ATP5F1C: variants seen among roughly 807,000 people sequenced by gnomAD.
The protein encoded by ATP5F1C is ATP synthase F1 subunit gamma, also known as ATP synthase F(1) complex subunit gamma, mitochondrial.
A neutral mutation model predicts 37.4 loss-of-function variants in ATP5F1C; 22 were observed. That is an observed-to-expected ratio of 0.59 (90% CI 0.42 to 0.84). The LOEUF (loss-of-function observed/expected upper bound fraction) is 0.84. Ranked by LOEUF, ATP5F1C falls within the 40% of genes least tolerant of loss-of-function variation. The probability of loss-of-function intolerance (pLI) is 0.00; values close to 1 mark genes in which losing one functional copy is unlikely to be tolerated. For synonymous variants in ATP5F1C, 121 were observed against 128.0 expected, an observed-to-expected ratio of 0.95 and a Z score of 0.37; for missense variants, 286 against 362.4, an observed-to-expected ratio of 0.79 and a Z score of 1.71.
At chr10:7,800,145 G>A (rs988856840) in intron 6 of ATP5F1C, 54 bp downstream of exon 6, 1 of 1,510,490 alleles carries the variant, frequency 6.6e-7, no homozygotes, top group Non-Finnish European at 9.2e-7. Flanking sequence ...GGAGAGATTT[G>A]TACACTAAGG....
chr10:7,807,147 A>C, intron 9 of ATP5F1C, 137 bp downstream of exon 9: 8 of 734,964 alleles, frequency 1.1e-5, no homozygotes, highest in Non-Finnish European at 1.7e-5. Flanking sequence ...CAGCCAACTC[A>C]CGGGAGCACC....
chr10:7,802,817 A>G lies in ATP5F1C; in HGVS notation c.853A>G (p.Lys285Glu), dbSNP rs1325521211. The G allele has an allele frequency of 2.5e-6, 4 of 1,613,930 alleles. No homozygotes were observed. The highest frequency in any genetic ancestry group is 3.4e-6 in the Non-Finnish European group (4 of 1,179,996). ...CCGTACCCGCCAAGCTGTCATCACAAAAGAGTTGATTGAAATTATCTCTGG... is the reference window on the plus strand; with the variant it reads ...CCGTACCCGCCAAGCTGTCATCACAGAAGAGTTGATTGAAATTATCTCTGG... ...FNRTRQAVITKELIEIISGAA... is the reference protein window; with the variant it reads ...FNRTRQAVITEELIEIISGAA... Residue 285 changes from lysine to glutamate, a missense_variant, in exon 8 of 10, where the codon AAA (lysine) becomes GAA (glutamate). Lys to Glu is a moderately conservative substitution (Grantham distance 56, BLOSUM62 1). Coordinates refer to ENST00000356708, the MANE Select transcript of ATP5F1C (RefSeq NM_001001973.3).
intron 8 of ATP5F1C, chr10:7,804,226 T>G: frequency 1.9e-6 from 1 of 518,628 alleles, no homozygotes; most frequent in Non-Finnish European, 3.9e-6. Flanking sequence ...ACCGAAAAAA[T>G]TTGCCTATTC....
intron 6 of ATP5F1C, chr10:7,801,431 A>G (rs1836364578): frequency 1.3e-5 from 2 of 152,218 alleles, no homozygotes; most frequent in Non-Finnish European, 2.9e-5. Flanking sequence ...TTTCTACAAC[A>G]TTAAAACTAC....
At position 7,800,491 on chromosome 10, in the gene ATP5F1C, A is replaced by ATTT. The variant is rs137972460; in HGVS notation, c.637+405_637+407dup. 8.8e-5 allele frequency among the ~76,000 whole-genome samples: 10 copies of ATTT among 113,448 alleles called. 1 individual carries two copies. The highest frequency in any genetic ancestry group is 9.6e-5 in the Non-Finnish European group (5 of 52,044). 74.4% of individuals were successfully genotyped at this position (113,448 alleles called of 152,430 possible). A position where few individuals can be genotyped will look rare whatever the true frequency, so the allele number is the denominator to read the frequency against. On this transcript the variant is annotated intron_variant, in intron 6 of 9. Transcript: ENST00000356708. The stretch of plus-strand genomic sequence containing the variant: ...ATTACAGGCATGAGCCCAGCCTTTT[A>ATTT]TTTTTTTATTTTTTATTTTTTGAGA...
At chr10:7,788,302 G>A (rs1451640933) in intron 1 of ATP5F1C, 39 bp downstream of exon 1, 28 of 1,608,048 alleles carry the variant, frequency 1.7e-5, no homozygotes, top group Non-Finnish European at 2.2e-5. Flanking sequence ...GACCGCAAGG[G>A]ATGGAAGAGC....
At chr10:7,789,435 A>T (rs1836120525) in intron 1 of ATP5F1C, among the ~76,000 whole-genome samples, 1 of 147,516 alleles carries the variant, frequency 6.8e-6, no homozygotes, top group Non-Finnish European at 1.5e-5. Context: ...TTGGCCTTGG[A>T]AGTCAGATTT....
chr10:7,796,173 C>T lies in ATP5F1C; in HGVS notation c.91+18C>T. On this transcript the variant is annotated intron_variant, in intron 2 of 9. Coordinates refer to ENST00000356708, the MANE Select transcript of ATP5F1C (RefSeq NM_001001973.3). ...GAAAGATAGTAAGTATGTTGTTTGT[C>T]TCAATATGTGAATTGAGAAAAACTA... 5 of 1,580,438 alleles carry T rather than the reference C, an allele frequency of 3.2e-6. No homozygotes were observed. The highest frequency in any genetic ancestry group is 4.3e-6 in the Non-Finnish European group (5 of 1,167,166).
At chr10:7,795,811 G>A (rs1187733219) in intron 1 of ATP5F1C, among the ~76,000 whole-genome samples, 1 of 152,318 alleles carries the variant, frequency 6.6e-6, no homozygotes, top group African/African-American at 2.4e-5. Context: ...GGGCTTTTCT[G>A]TCATGGAAAC....
chr10:7,789,863 G>C (rs1348994640), intron 1 of ATP5F1C, among the ~76,000 whole-genome samples: 2 of 152,166 alleles, frequency 1.3e-5, no homozygotes, highest in African/African-American at 4.8e-5. Context: ...AGCTCTTTTA[G>C]TGAAGGATTG....
intron 1 of ATP5F1C, among the ~76,000 whole-genome samples, chr10:7,792,682 A>AT (rs1450452403): frequency 1.3e-5 from 2 of 152,140 alleles, no homozygotes; most frequent in African/African-American, 4.8e-5. Context: ...TTATAACTTA[A>AT]TAGCTCCTTT....
At chr10:7,800,522 T>A (rs1317775585) in intron 6 of ATP5F1C, among the ~76,000 whole-genome samples, 1 of 128,928 alleles carries the variant, frequency 7.8e-6, no homozygotes, top group Non-Finnish European at 1.6e-5. Flanking sequence ...TGAGACGGAG[T>A]CTCACTGTGT....
In ATP5F1C at chr10:7,788,249, C is replaced by T. The variant is rs775314175; in HGVS notation, c.42C>T (p.Thr14=). 1.7e-5 allele frequency: 28 copies of T among 1,613,542 alleles called. No individual in the cohort carries two copies. The highest frequency in any genetic ancestry group is 2.4e-5 in the Non-Finnish European group (28 of 1,179,888). ...GTGTCGCTGGGCTGTCGGCCTGGAC[C>T]TTGCAGCCGCAATGGTATGGCAGCT... The part of the protein sequence containing the change: ...RAGVAGLSAW[T]LQPQWIQVRN... The change falls in exon 1 of 10, where the codon ACC becomes ACT. Residue 14 remains threonine (T), a synonymous_variant. Transcript: ENST00000356708.
At chr10:7,799,315 T>C (rs912680080) in intron 4 of ATP5F1C, 121 bp downstream of exon 4, 42 of 866,534 alleles carry the variant, frequency 4.8e-5, no homozygotes, top group Middle Eastern at 3.5e-4. Flanking sequence ...TCAGGGCCTT[T>C]TTTGGTATAT....
intron 2 of ATP5F1C, 26 bp downstream of exon 2, chr10:7,796,181 G>A: frequency 6.4e-7 from 1 of 1,561,998 alleles, no homozygotes; most frequent in South Asian, 1.2e-5. Context: ...GTCTCAATAT[G>A]TGAATTGAGA....
chr10:7,799,115 G>A lies in ATP5F1C; in HGVS notation c.349G>A (p.Glu117Lys). The A allele has an allele frequency of 5.0e-6, 8 of 1,613,946 alleles. No homozygotes were observed. The highest frequency in any genetic ancestry group is 6.8e-6 in the Non-Finnish European group (8 of 1,179,940). Reference sequence around the variant, plus strand: ...CTCCATTGCTAAACAGATGAAAAGCGAGGTTGCTACACTAACAGCAGCTGG... The same window carrying A: ...CTCCATTGCTAAACAGATGAAAAGCAAGGTTGCTACACTAACAGCAGCTGG... ...HSSIAKQMKS[E>K]VATLTAAGKE... is the part of the protein sequence containing the mutation. The change falls in exon 4 of 10, where the codon GAG (glutamate) becomes AAG (lysine). Residue 117 changes from glutamate (E) to lysine (K), a missense_variant. Transcript: ENST00000356708.
At chr10:7,790,883 A>G (rs1183979748) in intron 1 of ATP5F1C, among the ~76,000 whole-genome samples, 1 of 152,224 alleles carries the variant, frequency 6.6e-6, no homozygotes, top group Non-Finnish European at 1.5e-5. Context: ...ATGTAGGACA[A>G]TGGGGGAAAT....
intron 7 of ATP5F1C, 62 bp from the exon 8 acceptor site, chr10:7,802,696 G>T: frequency 6.6e-7 from 1 of 1,513,542 alleles, no homozygotes. Flanking sequence ...ACAGAAGTTA[G>T]TTAACAAGTT....
At chr10:7,789,032 G>A (rs573270263) in intron 1 of ATP5F1C, among the ~76,000 whole-genome samples, 2 of 152,166 alleles carry the variant, frequency 1.3e-5, no homozygotes, top group South Asian at 2.1e-4. Flanking sequence ...ACTAAAGGGT[G>A]CCACGAGCCT....
Sources: gnomAD v4.1 joint callset for allele counts (sites outside exome capture counted in the v4.1 genomes callset) on GRCh38, gnomAD v4.1.1 for gene constraint, MANE v1.5 for transcripts, NCBI Gene and HGNC (gene_info 2026-07-23, HGNC 2026-07-21) for gene names.